Variants in EPB41L3 observed in about 807,000 individuals in gnomAD.
EPB41L3 encodes the protein band 4.1-like protein 3.
In EPB41L3, 57 loss-of-function variants were observed where a neutral mutation model predicts 127.1. The ratio of observed to expected loss-of-function variants is 0.45; its 90% CI spans 0.36 to 0.56. EPB41L3 has a LOEUF of 0.56. EPB41L3 is among the 20% of genes least tolerant of loss of function. The pLI is 0.00. For synonymous variants in EPB41L3, 572 were observed against 549.5 expected, an observed-to-expected ratio of 1.04 and a Z score of -0.57; for missense variants, 1,273 against 1,372.2, an observed-to-expected ratio of 0.93 and a Z score of 1.14.
chr18:5,468,676 G>A (rs1236488152), intron 3 of EPB41L3, among the ~76,000 whole-genome samples: 4 of 152,182 alleles, frequency 2.6e-5, no homozygotes, highest in Non-Finnish European at 4.4e-5. Context: ...AGAGCTACCC[G>A]CAGAGGCGGG....
At chr18:5,476,590 G>A (rs1173899737) in intron 3 of EPB41L3, among the ~76,000 whole-genome samples, 1 of 152,138 alleles carries the variant, frequency 6.6e-6, no homozygotes, top group Non-Finnish European at 1.5e-5. Flanking sequence ...AGGACTCGAA[G>A]ACTGCCAGTT....
In EPB41L3 at chr18:5,418,592, A is replaced by G. The variant is rs954308729; in HGVS notation, c.1506+1119T>C. Among the ~76,000 whole-genome samples the G allele has an allele frequency of 2.6e-5, 4 of 152,218 alleles. No individual in the cohort carries two copies. The East Asian group carries it at 5.8e-4, about 22-fold the overall frequency. On this transcript the variant is annotated intron_variant, in intron 12 of 22. Coordinates refer to ENST00000341928, the MANE Select transcript of EPB41L3 (RefSeq NM_012307.5). ...AAAAACAAAATTTAGAACAAAGCACATTTTAACAGCAAAAGTTATCGAAAT... is the reference window on the plus strand; with the variant it reads ...AAAAACAAAATTTAGAACAAAGCACGTTTTAACAGCAAAAGTTATCGAAAT...
chr18:5,582,138 T>C (rs565708945), intron 3 of EPB41L3, among the ~76,000 whole-genome samples: 3 of 152,298 alleles, frequency 2.0e-5, no homozygotes, highest in South Asian at 2.1e-4. Context: ...AAAGCCCGAG[T>C]AGATTTAGAA....
chr18:5,552,136 G>A (rs1180364422), intron 3 of EPB41L3, among the ~76,000 whole-genome samples: 3 of 152,244 alleles, frequency 2.0e-5, no homozygotes. Flanking sequence ...ATGTGCATGT[G>A]CCCATTCTCT....
intron 16 of EPB41L3, among the ~76,000 whole-genome samples, chr18:5,402,929 G>A (rs569562395): frequency 6.6e-6 from 1 of 152,270 alleles, no homozygotes; most frequent in Non-Finnish European, 1.5e-5. Flanking sequence ...ACTGACTATA[G>A]TAATCATCTA....
intron 1 of EPB41L3, among the ~76,000 whole-genome samples, chr18:5,628,490 C>T (rs1285930320): frequency 2.0e-5 from 3 of 152,228 alleles, no homozygotes; most frequent in Non-Finnish European, 2.9e-5. Context: ...GCCTCGCCTC[C>T]GGGATCCTTG....
intron 3 of EPB41L3, among the ~76,000 whole-genome samples, chr18:5,472,440 T>C (rs2086325074): frequency 6.6e-6 from 1 of 152,192 alleles, no homozygotes; most frequent in Admixed American, 6.5e-5. Flanking sequence ...GATGGTTTGA[T>C]GTAAGTTCTT....
chr18:5,503,366 G>C (rs1043225856), intron 1 of EPB41L3, among the ~76,000 whole-genome samples: 4 of 152,116 alleles, frequency 2.6e-5, no homozygotes, highest in African/African-American at 9.7e-5. Flanking sequence ...CTTGGAGCAG[G>C]AGCATCCGGA....
chr18:5,595,404 G>C (rs2094527064), intron 3 of EPB41L3, among the ~76,000 whole-genome samples: 1 of 152,080 alleles, frequency 6.6e-6, no homozygotes, highest in Admixed American at 6.6e-5. Context: ...CAGAAGCCAG[G>C]AATACACTGT....
intron 13 of EPB41L3, among the ~76,000 whole-genome samples, chr18:5,412,321 C>A (rs2076294034): frequency 6.6e-6 from 1 of 151,990 alleles, no homozygotes. Context: ...CCTCAGCCTC[C>A]CTAGTGGGAC....
intron 3 of EPB41L3, among the ~76,000 whole-genome samples, chr18:5,556,928 G>C (rs946970703): frequency 6.6e-6 from 1 of 152,124 alleles, no homozygotes; most frequent in Non-Finnish European, 1.5e-5. Flanking sequence ...GTGATGACGG[G>C]GGCTCACAAT....
chr18:5,407,289 G>A (rs2075559797), intron 15 of EPB41L3: 2 of 393,590 alleles, frequency 5.1e-6, no homozygotes, highest in Non-Finnish European at 9.1e-6. Flanking sequence ...CTATATCTAG[G>A]AGCGAATAAC....
chr18:5,400,358 C>T (rs1247608377), intron 16 of EPB41L3: 2 of 349,546 alleles, frequency 5.7e-6, no homozygotes, highest in African/African-American at 2.2e-5. Context: ...ACATTTTAAA[C>T]TAGAATGTTT....
At chr18:5,410,707 G>T in intron 13 of EPB41L3, 88 bp from the exon 14 acceptor site, 2 of 1,006,850 alleles carry the variant, frequency 2.0e-6, no homozygotes, top group East Asian at 2.6e-5. Flanking sequence ...GCACAGGTCA[G>T]ACAGGTCATT....
intron 1 of EPB41L3, among the ~76,000 whole-genome samples, chr18:5,509,424 G>A (rs1426044966): frequency 2.6e-5 from 4 of 152,230 alleles, no homozygotes; most frequent in Non-Finnish European, 5.9e-5. Context: ...AGAGTTAAAC[G>A]TGGTAGGAAG....
intron 3 of EPB41L3, among the ~76,000 whole-genome samples, chr18:5,576,632 G>GAGACCCATA (rs2094338781): frequency 6.6e-6 from 1 of 152,138 alleles, no homozygotes; most frequent in South Asian, 2.1e-4. Context: ...AACCCACTAA[G>GAGACCCATA]AGACCCATAC....
chr18:5,470,472 AAAT>A (rs2147539124), intron 3 of EPB41L3, among the ~76,000 whole-genome samples: 1 of 152,390 alleles, frequency 6.6e-6, no homozygotes, highest in Non-Finnish European at 1.5e-5. Flanking sequence ...GCATTAAGAC[AAAT>A]AATAATTAAA....
At chr18:5,443,401 C>A (rs145697884) in intron 5 of EPB41L3, among the ~76,000 whole-genome samples, 1 of 152,172 alleles carries the variant, frequency 6.6e-6, no homozygotes, top group Non-Finnish European at 1.5e-5. Flanking sequence ...CATTAAAATA[C>A]GTATTTTTCA....
At chr18:5,530,658 A>G (rs891327280) in intron 1 of EPB41L3, among the ~76,000 whole-genome samples, 3 of 152,054 alleles carry the variant, frequency 2.0e-5, no homozygotes, top group Admixed American at 6.5e-5. Context: ...CCTCCTGTCC[A>G]GCCGACTCCA....
Sources: allele counts gnomAD v4.1 joint callset (sites outside exome capture counted in the v4.1 genomes callset), GRCh38; gene constraint gnomAD v4.1.1; transcripts MANE v1.5; gene names NCBI Gene and HGNC (gene_info 2026-07-23, HGNC 2026-07-21).